Variants in AKR1C4 observed in about 807,000 individuals in gnomAD.
AKR1C4 encodes the protein aldo-keto reductase family 1 member C4, also known as 3-alpha-HSD1.
A neutral mutation model predicts 41.0 loss-of-function variants in AKR1C4; 44 were observed. The observed-to-expected ratio is 1.07, with a 90% CI of 0.84 to 1.38. The LOEUF (loss-of-function observed/expected upper bound fraction) is 1.38, where lower values mean the gene tolerates loss of function less well. Ranked by LOEUF, AKR1C4 falls within the 40% of genes most tolerant of loss-of-function variation. The pLI, the probability that AKR1C4 is intolerant of heterozygous loss-of-function variation, is 0.00. For missense variants in AKR1C4, 438 were observed against 387.9 expected (o/e 1.13, Z -1.09); for synonymous variants, 165 against 137.7 (o/e 1.20, Z -1.39).
At chr10:5,200,839 T>C (rs1296197376) in intron 2 of AKR1C4, among the ~76,000 whole-genome samples, 1 of 152,326 alleles carries the variant, frequency 6.6e-6, no homozygotes, top group Non-Finnish European at 1.5e-5. Context: ...AGTTCCCACT[T>C]ATAAGTGAGA....
intron 5 of AKR1C4, among the ~76,000 whole-genome samples, chr10:5,206,935 C>A (rs897289402): frequency 1.3e-5 from 2 of 152,050 alleles, no homozygotes; most frequent in Admixed American, 6.6e-5. Flanking sequence ...TGAAAGTCAT[C>A]CAGGTTAGGG....
rs553476433 is a variant in AKR1C4, at chr10:5,196,880, T to A, written c.13T>A (p.Tyr5Asn). Residue 5 changes from tyrosine to asparagine, a missense_variant, in exon 1 of 9, where the codon TAT (tyrosine) becomes AAT (asparagine). Coordinates refer to ENST00000263126, the MANE Select transcript of AKR1C4 (RefSeq NM_001818.5). ...GAAGTGGCAAGCAATGGATCCCAAA[T>A]ATCAGCGTGTAGAGCTAAATGATGG... Reference protein sequence around the residue: MDPKYQRVELNDGHF... With the variant: MDPKNQRVELNDGHF... The A allele has an allele frequency of 6.2e-7, 1 of 1,614,004 alleles. No individual in the cohort carries two copies. Among genetic ancestry groups the A allele is most frequent in the African/African-American group, 1.3e-5 (1 of 74,940 alleles).
chr10:5,207,577 T>C (rs1832509353), intron 5 of AKR1C4: 3 of 881,948 alleles, frequency 3.4e-6, no homozygotes, highest in South Asian at 2.6e-5. Context: ...CTTGAAGAAC[T>C]TGTCTCTCTC....
intron 2 of AKR1C4, among the ~76,000 whole-genome samples, chr10:5,203,233 G>T (rs74827952): frequency 1.1e-4 from 16 of 151,864 alleles, no homozygotes; most frequent in Non-Finnish European, 1.9e-4. Flanking sequence ...TTCTGGCCAA[G>T]GGGGCTCATT....
intron 8 of AKR1C4, 148 bp from the exon 9 acceptor site, chr10:5,218,570 C>A: frequency 1.9e-6 from 1 of 533,302 alleles, no homozygotes; most frequent in Non-Finnish European, 3.3e-6. Context: ...ATTATAAACT[C>A]ATGTTCATGA....
chr10:5,213,609 TAGA>T, intron 7 of AKR1C4, among the ~76,000 whole-genome samples: 1 of 152,206 alleles, frequency 6.6e-6, no homozygotes, highest in Non-Finnish European at 1.5e-5. Flanking sequence ...TTTCTATGTG[TAGA>T]AGATCATAAT....
intron 7 of AKR1C4, among the ~76,000 whole-genome samples, chr10:5,214,758 GTTAAA>G (rs1207247112): frequency 6.6e-6 from 1 of 151,472 alleles, no homozygotes; most frequent in Non-Finnish European, 1.5e-5. Flanking sequence ...CTCATCAATT[GTTAAA>G]TTGATGACAT....
At position 5,218,930 on chromosome 10, in the gene AKR1C4, A is replaced by G; in HGVS notation, c.*170A>G. On this transcript the variant is annotated 3_prime_UTR_variant, in exon 9 of 9. Transcript: ENST00000263126. ...CCATGGTCCAGAAAGCAAACATAAT[A>G]AATTTTTATCTTGAAGTAATTGAAT... The G allele has an allele frequency of 1.9e-6, 1 of 524,138 alleles. No homozygotes were observed. 32.5% of individuals were successfully genotyped at this position (524,138 alleles called of 1,614,324 possible).
At chr10:5,211,671 A>C (rs191002352) in intron 5 of AKR1C4, among the ~76,000 whole-genome samples, 1 of 152,318 alleles carries the variant, frequency 6.6e-6, no homozygotes, top group African/African-American at 2.4e-5. Flanking sequence ...CAGAACCTCT[A>C]CATATTACCT....
chr10:5,209,562 T>C (rs1379253200), intron 5 of AKR1C4, among the ~76,000 whole-genome samples: 2 of 152,100 alleles, frequency 1.3e-5, no homozygotes, highest in African/African-American at 2.4e-5. Context: ...TAAAGACACA[T>C]CCAAGACTGG....
intron 5 of AKR1C4, among the ~76,000 whole-genome samples, chr10:5,208,111 G>A (rs782667327): frequency 5.3e-5 from 8 of 151,516 alleles, no homozygotes; most frequent in Non-Finnish European, 8.8e-5. Context: ...TAGTTATGGT[G>A]GATGAAATCA....
intron 2 of AKR1C4, chr10:5,202,591 A>AG (rs1284130283): frequency 1.7e-5 from 6 of 344,812 alleles, no homozygotes; most frequent in Non-Finnish European, 3.5e-5. Context: ...TCCAGTTTTC[A>AG]GGGGAATGCT....
intron 6 of AKR1C4, 111 bp from the exon 7 acceptor site, chr10:5,212,883 G>T (rs1832599759): frequency 6.9e-7 from 1 of 1,449,998 alleles, no homozygotes; most frequent in South Asian, 1.3e-5. Context: ...GCTGTTCAGG[G>T]ACCTCACTTG....
At chr10:5,197,806 A>G (rs947012835) in intron 1 of AKR1C4, among the ~76,000 whole-genome samples, 2 of 152,218 alleles carry the variant, frequency 1.3e-5, no homozygotes, top group African/African-American at 4.8e-5. Flanking sequence ...AAGACCATCG[A>G]CAGGAGTGGT....
intron 8 of AKR1C4, among the ~76,000 whole-genome samples, chr10:5,217,570 G>A (rs1304436810): frequency 6.6e-6 from 1 of 152,160 alleles, no homozygotes; most frequent in African/African-American, 2.4e-5. Context: ...GACCAGCCTG[G>A]CCAAAATGGC....
At chr10:5,203,480 A>G (rs149124280) in intron 2 of AKR1C4, among the ~76,000 whole-genome samples, 1 of 152,306 alleles carries the variant, frequency 6.6e-6, no homozygotes, top group Non-Finnish European at 1.5e-5. Flanking sequence ...GGGCCTGGGT[A>G]GGGTTAAGGC....
At chr10:5,197,986 G>T (rs1832337325) in intron 1 of AKR1C4, among the ~76,000 whole-genome samples, 2 of 152,162 alleles carry the variant, frequency 1.3e-5, no homozygotes, top group South Asian at 4.1e-4. Flanking sequence ...ACTAGAAAAA[G>T]AAAGCTTCAG....
chr10:5,205,670 TG>T, intron 3 of AKR1C4, 86 bp from the exon 4 acceptor site: 1 of 1,160,410 alleles, frequency 8.6e-7, no homozygotes, highest in Admixed American at 2.1e-5. Context: ...TACCTCACGG[TG>T]GATTATTATC....
intron 3 of AKR1C4, among the ~76,000 whole-genome samples, chr10:5,205,074 AAG>A (rs1205652662): frequency 7.9e-5 from 12 of 152,230 alleles, no homozygotes; most frequent in Non-Finnish European, 1.6e-4. Context: ...TTATTTAAAA[AAG>A]AGTTTATTGC....
Sources: gnomAD v4.1 joint callset for allele counts (sites outside exome capture counted in the v4.1 genomes callset) on GRCh38, gnomAD v4.1.1 for gene constraint, MANE v1.5 for transcripts, NCBI Gene and HGNC (gene_info 2026-07-23, HGNC 2026-07-21) for gene names.